SLC9A6: variants seen among roughly 807,000 people sequenced by gnomAD.
SLC9A6 encodes the protein solute carrier family 9 member A6.
A neutral mutation model predicts 45.3 loss-of-function variants in SLC9A6; 6 were observed. The observed-to-expected ratio is 0.13, with a 90% CI of 0.07 to 0.26. The LOEUF is 0.26. Among genes scored for constraint, SLC9A6 ranks in the 10% least tolerant of loss-of-function variants. SLC9A6 has a pLI of 1.00. For missense variants in SLC9A6, 278 were observed against 503.7 expected (o/e 0.55, Z 4.29); for synonymous variants, 191 against 187.7 (o/e 1.02, Z -0.14).
chrX:136,026,630 G>A (rs375638472), intron 13 of SLC9A6, among the ~76,000 whole-genome samples: 1 of 109,984 alleles, frequency 9.1e-6, no homozygotes, highest in East Asian at 2.8e-4. Flanking sequence ...CCGCCTCCCA[G>A]GTTCAAGCAA....
At chrX:135,985,355 T>TTG (rs1267890811), upstream of SLC9A6, 9 of 338,222 alleles carry the variant, frequency 2.7e-5, no homozygotes, top group Admixed American at 5.0e-4. Flanking sequence ...AGAGCGAGCT[T>TTG]GGGATGCCGC....
intron 3 of SLC9A6, among the ~76,000 whole-genome samples, chrX:135,996,755 GT>G (rs1295829057): frequency 4.6e-5 from 5 of 107,981 alleles, no homozygotes; most frequent in Non-Finnish European, 5.8e-5. Context: ...TGTTGTTTTT[GT>G]TTTTTTTTGT....
chrX:136,027,390 G>T (rs888881662), intron 13 of SLC9A6, among the ~76,000 whole-genome samples: 1 of 111,753 alleles, frequency 8.9e-6, no homozygotes, highest in African/African-American at 3.3e-5. Context: ...AGAGCAAGTT[G>T]TACAAATGTC....
intron 2 of SLC9A6, among the ~76,000 whole-genome samples, chrX:135,986,323 C>T (rs2089339572): frequency 9.0e-6 from 1 of 110,799 alleles, no homozygotes; most frequent in Non-Finnish European, 1.9e-5. Flanking sequence ...GCTCCTGCTA[C>T]GCCCTGTCCT....
Position 136,046,914 on chromosome X carries a change from C to T in SLC9A6, c.*2190C>T, listed in dbSNP as rs782459511. ...GTTTTCCTGTTGTTTGTGGAACCTA[C>T]GCGTTTGAATGGCTTGAACGTTGCA... On this transcript the variant is annotated 3_prime_UTR_variant, in exon 18 of 18. Transcript: ENST00000630721. 5 of 113,017 alleles carry T rather than the reference C, an allele frequency of 4.4e-5. No individual in the cohort carries two copies. The South Asian group carries it at 1.1e-3, about 25-fold the overall frequency. The allele number at this position is 113,017 out of a possible 1,213,427, so 9.3% of individuals were successfully genotyped here. A position where few individuals can be genotyped will look rare whatever the true frequency, so the allele number is the denominator to read the frequency against.
chrX:135,999,022 A>G lies in SLC9A6; in HGVS notation c.637+54A>G, dbSNP rs113780735. On this transcript the variant is annotated intron_variant, in intron 6 of 17. Transcript: ENST00000630721. ...ACTTGAGGTGCATTGTTTTGCAGTC[A>G]AATACATGTGGGTTTTTCTTTCTTT... 4.4e-5 allele frequency: 33 copies of G among 756,943 alleles called. 1 individual carries two copies. The highest frequency in any genetic ancestry group is 2.0e-4 in the African/African-American group (10 of 49,237). The allele number at this position is 756,943 out of a possible 1,213,427, so 62.4% of individuals were successfully genotyped here.
chrX:136,033,260 C>A (rs2071358466), intron 15 of SLC9A6, 154 bp from the exon 16 acceptor site: 2 of 340,868 alleles, frequency 5.9e-6, no homozygotes, highest in Non-Finnish European at 1.1e-5. Flanking sequence ...TATTCCAAAG[C>A]TGCAATATAC....
intron 11 of SLC9A6, among the ~76,000 whole-genome samples, chrX:136,018,460 A>G (rs782000183): frequency 1.8e-5 from 2 of 112,380 alleles, no homozygotes; most frequent in South Asian, 7.4e-4. Context: ...AAGTGGGTGC[A>G]ATGAAAACAG....
At chrX:136,004,169 A>T (rs1315802895) in intron 7 of SLC9A6, among the ~76,000 whole-genome samples, 1 of 100,595 alleles carries the variant, frequency 9.9e-6, no homozygotes, top group Non-Finnish European at 2.0e-5. Context: ...ACTCACTGCA[A>T]CCTCCACCTC....
intron 17 of SLC9A6, among the ~76,000 whole-genome samples, chrX:136,041,734 G>T (rs1175649525): frequency 8.9e-6 from 1 of 112,286 alleles, no homozygotes; most frequent in Admixed American, 9.4e-5. Flanking sequence ...CCCTAGAGCA[G>T]CTGTAACAAA....
At chrX:135,977,097 C>T (rs782123020) in intron 1 of SLC9A6, among the ~76,000 whole-genome samples, 1 of 111,800 alleles carries the variant, frequency 8.9e-6, no homozygotes, top group South Asian at 3.7e-4. Flanking sequence ...GCAGTTAATC[C>T]CAAAGGTGCA....
chrX:136,023,826 A>T (rs1556620230), intron 12 of SLC9A6, among the ~76,000 whole-genome samples: 2 of 112,078 alleles, frequency 1.8e-5, no homozygotes, highest in African/African-American at 3.2e-5. Context: ...AAGTGAATTT[A>T]AAAAAATTAC....
At chrX:135,999,787 T>C (rs186429546) in intron 6 of SLC9A6, among the ~76,000 whole-genome samples, 7 of 111,940 alleles carry the variant, frequency 6.3e-5, no homozygotes, top group Admixed American at 3.8e-4. Context: ...TTTAAGACTT[T>C]CGTTGAAGCT....
chrX:136,005,347 G>T (rs1438067040), intron 7 of SLC9A6, among the ~76,000 whole-genome samples: 1 of 112,664 alleles, frequency 8.9e-6, no homozygotes, highest in Non-Finnish European at 1.9e-5. Flanking sequence ...TTTTAAGCTT[G>T]GGGGTGTACA....
In SLC9A6 at chrX:136,002,079, G is replaced by A. The variant is rs782530494; in HGVS notation, c.638-29G>A. On this transcript the variant is annotated intron_variant, in intron 6 of 17. Transcript: ENST00000630721. ...AATATGTTATATTTGTAATGTCTAA[G>A]TATTCCTCTGACTCTTTTTACTTAC... 5.3e-6 allele frequency: 5 copies of A among 949,613 alleles called. No homozygotes were observed. The South Asian group carries it at 9.7e-5, about 18-fold the overall frequency. The allele number at this position is 949,613 out of a possible 1,213,427, so 78.3% of individuals were successfully genotyped here. A position where few individuals can be genotyped will look rare whatever the true frequency, so the allele number is the denominator to read the frequency against.
chrX:135,997,142 C>T (rs975521091), intron 3 of SLC9A6, among the ~76,000 whole-genome samples: 10 of 110,200 alleles, frequency 9.1e-5, no homozygotes, highest in Admixed American at 1.9e-4. Context: ...TCGGCTCCTC[C>T]GCCTCCCAGG....
intron 8 of SLC9A6, among the ~76,000 whole-genome samples, chrX:136,012,436 C>T (rs1259584489): frequency 1.8e-5 from 2 of 113,020 alleles, no homozygotes; most frequent in Non-Finnish European, 3.7e-5. Context: ...CTTCCACTGT[C>T]AGCTAACAAA....
intron 6 of SLC9A6, among the ~76,000 whole-genome samples, chrX:136,001,638 C>T (rs986092409): frequency 8.9e-6 from 1 of 112,090 alleles, no homozygotes; most frequent in East Asian, 2.8e-4. Context: ...GTTTTCATTT[C>T]CTACTGTCTT....
Position 135,998,505 on chromosome X carries a change from G to A in SLC9A6, c.471G>A (p.Gly157=), listed in dbSNP as rs1292220528. The change falls in exon 5 of 18, where the codon GGG becomes GGA. Residue 157 remains glycine (G), a synonymous_variant. Coordinates refer to ENST00000630721, the MANE Select transcript of SLC9A6 (RefSeq NM_001379110.1). The stretch of plus-strand genomic sequence containing the variant: ...AGAGACATTTTTTTCGAAATCTTGG[G>A]TCTATCCTAGCATACGCTTTTCTTG... ...LKRRHFFRNL[G]SILAYAFLGT... 8.5e-7 allele frequency: 1 copy of A among 1,175,490 alleles called. No individual in the cohort carries two copies. The highest frequency in any genetic ancestry group is 1.8e-5 in the African/African-American group (1 of 54,925).
Sources: allele counts gnomAD v4.1 joint callset (sites outside exome capture counted in the v4.1 genomes callset), GRCh38; gene constraint gnomAD v4.1.1; transcripts MANE v1.5; gene names NCBI Gene and HGNC (gene_info 2026-07-23, HGNC 2026-07-21).